Variants in LARGE1 observed in about 807,000 individuals in gnomAD.
The protein encoded by LARGE1 is xylosyl- and glucuronyltransferase LARGE1.
Under a neutral mutation model 87.6 loss-of-function variants are expected in LARGE1, and 43 were observed. That is an observed-to-expected ratio of 0.49 (90% CI 0.38 to 0.63). The LOEUF is 0.63. LARGE1 is among the 30% of genes least tolerant of loss of function. The probability of loss-of-function intolerance (pLI) is 0.00; values close to 1 mark genes in which losing one functional copy is unlikely to be tolerated. For missense variants in LARGE1, 802 were observed against 1,000.2 expected, an observed-to-expected ratio of 0.80 and a Z score of 2.67; for synonymous variants, 434 against 394.6, an observed-to-expected ratio of 1.10 and a Z score of -1.18.
At chr22:33,596,654 C>A (rs758771005) in intron 5 of LARGE1, among the ~76,000 whole-genome samples, 8 of 152,060 alleles carry the variant, frequency 5.3e-5, no homozygotes, top group African/African-American at 1.9e-4. Flanking sequence ...GATGACAGGT[C>A]GGCAGTCATT....
chr22:33,348,662 A>T (rs1213766527), intron 9 of LARGE1, among the ~76,000 whole-genome samples: 2 of 152,080 alleles, frequency 1.3e-5, no homozygotes, highest in Admixed American at 6.5e-5. Flanking sequence ...CCATCGTCCA[A>T]TCCATTGAGG....
At chr22:33,088,839 T>C in the LARGE1 span, among the ~76,000 whole-genome samples, 1 of 152,220 alleles carries the variant, frequency 6.6e-6, no homozygotes, top group Non-Finnish European at 1.5e-5. Flanking sequence ...GTCTCATTTT[T>C]CTCATCTGGA....
In LARGE1 at chr22:33,572,783, T is replaced by TCCCTTGAG. The variant is rs1011154500; in HGVS notation, c.616-7772_616-7765dup. On this transcript the variant is annotated intron_variant, in intron 5 of 14. Coordinates refer to ENST00000397394, the MANE Select transcript of LARGE1 (RefSeq NM_133642.5). ...TACTTGGGAGACTGAGTCAGGAGAA[T>TCCCTTGAG]CCCTTGAGCCCGGGAGGTGGAGGTT... Among the ~76,000 whole-genome samples, 35 of 151,828 alleles carry TCCCTTGAG rather than the reference T, an allele frequency of 2.3e-4. 1 individual carries two copies. The highest frequency in any genetic ancestry group is 2.3e-3 in the Admixed American group (35 of 15,248).
intron 6 of LARGE1, among the ~76,000 whole-genome samples, chr22:33,464,956 C>T (rs1027877244): frequency 2.0e-5 from 3 of 152,064 alleles, no homozygotes; most frequent in African/African-American, 7.2e-5. Context: ...CACATACACA[C>T]ACACATTCTC....
the LARGE1 span, among the ~76,000 whole-genome samples, chr22:33,093,818 CTTTCTTT>C: frequency 1.2e-4 from 14 of 120,578 alleles, no homozygotes; most frequent in African/African-American, 4.0e-4. Context: ...TTTTTTCTTT[CTTTCTTT>C]TTTTTTTTTT....
chr22:33,679,380 T>A (rs1024625534), intron 2 of LARGE1, among the ~76,000 whole-genome samples: 2 of 152,204 alleles, frequency 1.3e-5, no homozygotes, highest in South Asian at 4.2e-4. Flanking sequence ...CTGGTTAAGA[T>A]GAGGTCATAC....
At chr22:33,067,101 T>A in the LARGE1 span, among the ~76,000 whole-genome samples, 1 of 151,878 alleles carries the variant, frequency 6.6e-6, no homozygotes, top group Non-Finnish European at 1.5e-5. Flanking sequence ...GGGCTCCCTT[T>A]CCTGGTTTTC....
At chr22:33,406,553 T>C (rs1261295604) in intron 7 of LARGE1, among the ~76,000 whole-genome samples, 1 of 152,118 alleles carries the variant, frequency 6.6e-6, no homozygotes, top group Non-Finnish European at 1.5e-5. Context: ...CTCTTTTGGG[T>C]TGCAGAGGTA....
At chr22:33,668,776 T>A (rs1242686515) in intron 2 of LARGE1, among the ~76,000 whole-genome samples, 1 of 152,212 alleles carries the variant, frequency 6.6e-6, no homozygotes, top group Non-Finnish European at 1.5e-5. Context: ...GATAATCAAA[T>A]CCTTTCCTCT....
chr22:33,895,719 G>C (rs891114350), intron 1 of LARGE1, among the ~76,000 whole-genome samples: 1 of 152,198 alleles, frequency 6.6e-6, no homozygotes, highest in Non-Finnish European at 1.5e-5. Flanking sequence ...TTCAGGGCAA[G>C]TTTGCTATGA....
the LARGE1 span, among the ~76,000 whole-genome samples, chr22:33,086,319 T>G: frequency 1.3e-5 from 2 of 152,282 alleles, no homozygotes; most frequent in African/African-American, 4.8e-5. Flanking sequence ...TGCTACGAGT[T>G]CCATATTTTA....
intron 5 of LARGE1, among the ~76,000 whole-genome samples, chr22:33,597,340 A>G (rs1284489315): frequency 3.3e-5 from 5 of 151,592 alleles, no homozygotes; most frequent in Non-Finnish European, 5.9e-5. Flanking sequence ...GAATCCTATG[A>G]TTTCATGCTC....
rs114019105 is a variant in LARGE1 at position 33,384,717 on chromosome 22, C to T, written c.893-413G>A. 2.9e-3 allele frequency among the ~76,000 whole-genome samples: 428 copies of T among 148,326 alleles called. 23 individuals are homozygous for T. The highest frequency in any genetic ancestry group is 9.7e-3 in the African/African-American group (398 of 40,908). ...ACAACAATGTGAATGGACTTCATGC[C>T]GCTCAACTGTACGTTTAAACATGGT... On this transcript the variant is annotated intron_variant, in intron 7 of 14. Transcript: ENST00000397394.
At chr22:33,762,108 G>A (rs866534919) in intron 1 of LARGE1, among the ~76,000 whole-genome samples, 18 of 151,708 alleles carry the variant, frequency 1.2e-4, no homozygotes, top group African/African-American at 3.9e-4. Context: ...CAGCTACATG[G>A]GAGGCTGAGG....
At chr22:33,736,625 T>C (rs1421567270) in intron 2 of LARGE1, among the ~76,000 whole-genome samples, 1 of 152,220 alleles carries the variant, frequency 6.6e-6, no homozygotes, top group Non-Finnish European at 1.5e-5. Flanking sequence ...ACACAAAAGA[T>C]TTTAATTTGA....
chr22:33,242,456 T>C (rs1326651461), intron 11 of LARGE1, among the ~76,000 whole-genome samples: 1 of 152,196 alleles, frequency 6.6e-6, no homozygotes, highest in Non-Finnish European at 1.5e-5. Flanking sequence ...AATTGCACAC[T>C]GTTAGGTGAT....
intron 6 of LARGE1, among the ~76,000 whole-genome samples, chr22:33,544,466 C>T (rs762805485): frequency 1.9e-4 from 29 of 152,046 alleles, no homozygotes; most frequent in Non-Finnish European, 3.8e-4. Flanking sequence ...GCGGGCAGAT[C>T]CCCTGAGGTA....
rs556366967 is a variant in LARGE1, at chr22:33,325,599, T to C, written c.1288-9351A>G. ...GCAGGTTGAGCCACATTACAGCTGCTTGTGCTACCTTGACTAACAGGCACA... is the reference window on the plus strand; with the variant it reads ...GCAGGTTGAGCCACATTACAGCTGCCTGTGCTACCTTGACTAACAGGCACA... On this transcript the variant is annotated intron_variant, in intron 10 of 14. Coordinates refer to ENST00000397394, the MANE Select transcript of LARGE1 (RefSeq NM_133642.5). 1.9e-4 allele frequency among the ~76,000 whole-genome samples: 29 copies of C among 152,328 alleles called. 1 individual carries two copies. Among genetic ancestry groups the C allele is most frequent in the Admixed American group, 1.8e-3 (27 of 15,302 alleles).
chr22:33,541,244 G>A (rs1315898651), intron 6 of LARGE1, among the ~76,000 whole-genome samples: 1 of 151,344 alleles, frequency 6.6e-6, no homozygotes, highest in Admixed American at 6.6e-5. Context: ...AGGTTAATTG[G>A]ATCACCAAGA....
Sources: gnomAD v4.1 joint callset for allele counts (sites outside exome capture counted in the v4.1 genomes callset) on GRCh38, gnomAD v4.1.1 for gene constraint, MANE v1.5 for transcripts, NCBI Gene and HGNC (gene_info 2026-07-23, HGNC 2026-07-21) for gene names.